Variants in CSMD1 observed in about 807,000 individuals in gnomAD.
The protein encoded by CSMD1 is CUB and Sushi multiple domains 1.
CSMD1 carries 213 observed loss-of-function variants against 417.5 expected under a neutral mutation model. That is an observed-to-expected ratio of 0.51 (90% confidence interval 0.46 to 0.57). The LOEUF is 0.57. Among genes scored for constraint, CSMD1 ranks in the 20% least tolerant of loss-of-function variants. The probability of loss-of-function intolerance (pLI) is 0.00; values close to 1 mark genes in which losing one functional copy is unlikely to be tolerated. For missense variants in CSMD1, 6,923 were observed against 4,529.7 expected (o/e 1.53, Z -15.17); for synonymous variants, 2,862 against 1,736.8 (o/e 1.65, Z -16.11).
chr8:4,504,642 C>G (rs1027369433), intron 2 of CSMD1, among the ~76,000 whole-genome samples: 25 of 152,262 alleles, frequency 1.6e-4, no homozygotes, highest in African/African-American at 5.8e-4. Flanking sequence ...TGGCCCCCAC[C>G]TCCCGACAAA....
In CSMD1 at chr8:4,423,017, G is replaced by A. The variant is rs184697368; in HGVS notation, c.303-2952C>T. On this transcript the variant is annotated intron_variant, in intron 2 of 69. Coordinates refer to ENST00000635120, the MANE Select transcript of CSMD1 (RefSeq NM_033225.6). ...AGTTCTCAGTAACATATGATTGGAA[G>A]GAATCTTCTCCAACTTGACAAAGAA... is the stretch of plus-strand genomic sequence containing the variant. 5.4e-3 allele frequency among the ~76,000 whole-genome samples: 826 copies of A among 151,872 alleles called. 6 individuals carry two copies. Among genetic ancestry groups the A allele is most frequent in the Non-Finnish European group, 7.2e-3 (491 of 67,886 alleles).
chr8:3,188,532 C>G (rs1340895935), intron 35 of CSMD1, among the ~76,000 whole-genome samples: 1 of 151,804 alleles, frequency 6.6e-6, no homozygotes, highest in Non-Finnish European at 1.5e-5. Context: ...GTCTTGAACT[C>G]CTGACATCAA....
chr8:3,907,486 A>T (rs1412834973), intron 5 of CSMD1, among the ~76,000 whole-genome samples: 1 of 152,182 alleles, frequency 6.6e-6, no homozygotes, highest in Non-Finnish European at 1.5e-5. Context: ...AAAAAATGTT[A>T]CAGTGGCCTA....
At chr8:3,438,181 A>G (rs766820492) in intron 12 of CSMD1, among the ~76,000 whole-genome samples, 10 of 152,166 alleles carry the variant, frequency 6.6e-5, no homozygotes, top group Admixed American at 1.3e-4. Flanking sequence ...AAATTTTTGA[A>G]TTTTGAGATA....
intron 1 of CSMD1, among the ~76,000 whole-genome samples, chr8:4,765,373 A>G (rs1458168793): frequency 6.6e-6 from 1 of 152,212 alleles, no homozygotes; most frequent in Non-Finnish European, 1.5e-5. Context: ...GAAGCACATC[A>G]TCGGATTGTC....
intron 2 of CSMD1, among the ~76,000 whole-genome samples, chr8:4,616,233 G>C (rs1871122): frequency 0.21 from 31,451 of 151,860 alleles, 3,467 homozygotes; most frequent in African/African-American, 0.22. Context: ...AGCACTTTGA[G>C]AATTGAAAAA....
At chr8:3,994,384 A>G (rs973260291) in intron 5 of CSMD1, among the ~76,000 whole-genome samples, 7 of 146,474 alleles carry the variant, frequency 4.8e-5, no homozygotes, top group Admixed American at 2.8e-4. Flanking sequence ...AATGAAATCA[A>G]TTTTCTTTCT....
Position 3,583,357 on chromosome 8 carries a change from G to A in CSMD1, c.1222+2779C>T, listed in dbSNP as rs139210515. ...CTGCATGGTTTTGGGGAGTGTCATA[G>A]AGAAGGCCTCAGGTGCCTCGAATAG... is the stretch of plus-strand genomic sequence containing the variant. On this transcript the variant is annotated intron_variant, in intron 9 of 69. Transcript: ENST00000635120. 1.1e-4 allele frequency among the ~76,000 whole-genome samples: 16 copies of A among 152,076 alleles called. No homozygotes were observed. The East Asian group carries it at 2.7e-3, about 26-fold the overall frequency.
chr8:3,537,862 G>A (rs1336891945), intron 10 of CSMD1, among the ~76,000 whole-genome samples: 2 of 152,146 alleles, frequency 1.3e-5, no homozygotes, highest in Non-Finnish European at 2.9e-5. Flanking sequence ...AATTAATTCA[G>A]GAGCCTCTTC....
chr8:3,756,757 G>T (rs192405434), intron 5 of CSMD1, among the ~76,000 whole-genome samples: 1 of 151,850 alleles, frequency 6.6e-6, no homozygotes, highest in Admixed American at 6.6e-5. Flanking sequence ...TTTCTCACTC[G>T]CATTACTTAT....
intron 3 of CSMD1, among the ~76,000 whole-genome samples, chr8:4,319,300 G>A (rs1368266880): frequency 6.6e-6 from 1 of 151,926 alleles, no homozygotes; most frequent in Non-Finnish European, 1.5e-5. Context: ...CTTTTAAACA[G>A]TTTCTTCTAA....
At chr8:4,057,002 G>A (rs1375279265) in intron 3 of CSMD1, among the ~76,000 whole-genome samples, 1 of 152,186 alleles carries the variant, frequency 6.6e-6, no homozygotes, top group African/African-American at 2.4e-5. Flanking sequence ...ACATACGTGT[G>A]CATGTGTCTT....
At chr8:4,410,703 C>G (rs1373154356) in intron 3 of CSMD1, among the ~76,000 whole-genome samples, 1 of 151,938 alleles carries the variant, frequency 6.6e-6, no homozygotes, top group African/African-American at 2.4e-5. Context: ...ATAAAAAAAT[C>G]TTGGGAGAGA....
At chr8:3,648,150 G>T (rs992478300) in intron 7 of CSMD1, among the ~76,000 whole-genome samples, 1 of 152,176 alleles carries the variant, frequency 6.6e-6, no homozygotes, top group Non-Finnish European at 1.5e-5. Flanking sequence ...CCCAGATTAA[G>T]TTAGATACTT....
chr8:3,218,890 A>G lies in CSMD1; in HGVS notation c.4672+365T>C, dbSNP rs76956962. Among the ~76,000 whole-genome samples the G allele has an allele frequency of 5.6e-3, 855 of 152,304 alleles. 7 individuals are homozygous for G. The highest frequency in any genetic ancestry group is 0.019 in the African/African-American group (801 of 41,564). ...TCTGTCTCAAGAAAAAAGAAAAAAA[A>G]AAGTTATTTTCATGTACTTACATTT... is the stretch of plus-strand genomic sequence containing the variant. On this transcript the variant is annotated intron_variant, in intron 29 of 69. Transcript: ENST00000635120.
In CSMD1 at chr8:3,387,548, G is replaced by C; in HGVS notation, c.2728C>G (p.Pro910Ala). ...DPGYTLSDDE[P>A]LVCERNHQWN... ...TGGTGGTTCCTCTCACAGACGAGGG[G>C]CTCGTCGTCACTTAGTGTGTACCCC... The change falls in exon 18 of 70, where the codon CCC (proline) becomes GCC (alanine). Residue 910 changes from proline (P) to alanine (A), a missense_variant. Coordinates refer to ENST00000635120, the MANE Select transcript of CSMD1 (RefSeq NM_033225.6). 2 of 1,601,940 alleles carry C rather than the reference G, an allele frequency of 1.2e-6. No individual in the cohort carries two copies. The highest frequency in any genetic ancestry group is 2.3e-5 in the East Asian group (1 of 44,292).
intron 3 of CSMD1, among the ~76,000 whole-genome samples, chr8:4,386,329 G>T (rs556683790): frequency 7.1e-6 from 1 of 141,824 alleles, no homozygotes; most frequent in Non-Finnish European, 1.5e-5. Flanking sequence ...CCTACCTTCC[G>T]TCCTCGGTTA....
chr8:4,819,498 G>C (rs886079655), intron 1 of CSMD1, among the ~76,000 whole-genome samples: 2 of 152,036 alleles, frequency 1.3e-5, no homozygotes, highest in African/African-American at 4.8e-5. Context: ...ATGCTATATA[G>C]GACCCTATAT....
chr8:3,613,078 A>T (rs1441636789), intron 8 of CSMD1, among the ~76,000 whole-genome samples: 1 of 152,036 alleles, frequency 6.6e-6, no homozygotes, highest in Non-Finnish European at 1.5e-5. Context: ...GAATATCAAG[A>T]ATTTGAGCTG....
Sources: gnomAD v4.1 joint callset for allele counts (sites outside exome capture counted in the v4.1 genomes callset) on GRCh38, gnomAD v4.1.1 for gene constraint, MANE v1.5 for transcripts, NCBI Gene and HGNC (gene_info 2026-07-23, HGNC 2026-07-21) for gene names.